Variants in HIVEP3 observed in about 807,000 individuals in gnomAD.
HIVEP3 encodes transcription factor HIVEP3.
Under a neutral mutation model 152.8 loss-of-function variants are expected in HIVEP3, and 49 were observed. The ratio of observed to expected loss-of-function variants is 0.32; its 90% CI spans 0.26 to 0.41. The LOEUF (loss-of-function observed/expected upper bound fraction) is 0.41, where lower values mean the gene tolerates loss of function less well. Ranked by LOEUF, HIVEP3 falls within the 10% of genes least tolerant of loss-of-function variation. The pLI, the probability that HIVEP3 is intolerant of heterozygous loss-of-function variation, is 1.00. For synonymous variants in HIVEP3, 1,269 were observed against 1,289.0 expected, an observed-to-expected ratio of 0.98 and a Z score of 0.33; for missense variants, 2,790 against 3,103.3, an observed-to-expected ratio of 0.90 and a Z score of 2.40.
chr1:41,850,323 C>A (rs541797743), intron 1 of HIVEP3, among the ~76,000 whole-genome samples: 3 of 147,902 alleles, frequency 2.0e-5, no homozygotes, highest in South Asian at 4.2e-4. Flanking sequence ...GAAAAGGCCA[C>A]CACACACACA....
intron 2 of HIVEP3, among the ~76,000 whole-genome samples, chr1:41,688,262 C>A (rs1181540213): frequency 6.6e-6 from 1 of 152,246 alleles, no homozygotes; most frequent in East Asian, 1.9e-4. Flanking sequence ...CTCTGGGTGA[C>A]TATCGTCCTA....
intron 1 of HIVEP3, among the ~76,000 whole-genome samples, chr1:41,804,854 C>G (rs1650507679): frequency 6.6e-6 from 1 of 152,168 alleles, no homozygotes; most frequent in Non-Finnish European, 1.5e-5. Context: ...CACTCCCTCA[C>G]CCACTGTGTA....
intron 5 of HIVEP3, among the ~76,000 whole-genome samples, chr1:41,534,875 C>T (rs780249989): frequency 1.2e-4 from 18 of 152,314 alleles, no homozygotes; most frequent in Middle Eastern, 3.4e-3. Context: ...TGACTCTGCT[C>T]AGAGCGGGAG....
intron 1 of HIVEP3, among the ~76,000 whole-genome samples, chr1:41,889,359 T>C (rs1644410705): frequency 6.6e-6 from 1 of 151,970 alleles, no homozygotes; most frequent in African/African-American, 2.4e-5. Context: ...AAGGCAGGAG[T>C]TGTGGAGTCA....
intron 1 of HIVEP3, among the ~76,000 whole-genome samples, chr1:41,714,312 G>T (rs532628734): frequency 6.6e-6 from 1 of 152,150 alleles, no homozygotes; most frequent in African/African-American, 2.4e-5. Flanking sequence ...AGAAGTGGAG[G>T]ACGGGAAGAA....
intron 3 of HIVEP3, among the ~76,000 whole-genome samples, chr1:41,621,438 G>T (rs1208427435): frequency 6.6e-6 from 1 of 152,204 alleles, no homozygotes; most frequent in East Asian, 1.9e-4. Context: ...CCCAAGGGAG[G>T]GCCTGCAGCC....
In HIVEP3 at chr1:41,603,098, G is replaced by A. The variant is rs188434246; in HGVS notation, c.-521-17780C>T. Among the ~76,000 whole-genome samples the A allele has an allele frequency of 3.0e-3, 458 of 151,238 alleles. 2 individuals are homozygous for A. Among genetic ancestry groups the A allele is most frequent in the Non-Finnish European group, 4.9e-3 (335 of 67,870 alleles). ...TTTTTATTTTTTGAGACTGAGTCTC[G>A]CCCTGTCACCCAGGCTGCAGTGTAG... On this transcript the variant is annotated intron_variant, in intron 3 of 8. Transcript: ENST00000372583.
At chr1:41,521,554 C>A (rs1256750572) in intron 6 of HIVEP3, among the ~76,000 whole-genome samples, 4 of 152,172 alleles carry the variant, frequency 2.6e-5, no homozygotes, top group Non-Finnish European at 5.9e-5. Flanking sequence ...GAAGGTGGGG[C>A]ACACGGCTGC....
intron 1 of HIVEP3, among the ~76,000 whole-genome samples, chr1:42,011,004 A>G (rs1244966539): frequency 1.3e-5 from 2 of 152,166 alleles, no homozygotes; most frequent in Non-Finnish European, 2.9e-5. Context: ...GTTCTAGGAC[A>G]CGGTTTCCCA....
chr1:41,764,495 G>C (rs1647889850), intron 1 of HIVEP3, among the ~76,000 whole-genome samples: 1 of 152,242 alleles, frequency 6.6e-6, no homozygotes. Context: ...GACAGCTGCA[G>C]AGGGAAACCT....
At chr1:41,571,936 G>A (rs1644256656) in intron 5 of HIVEP3, among the ~76,000 whole-genome samples, 1 of 152,166 alleles carries the variant, frequency 6.6e-6, no homozygotes, top group South Asian at 2.1e-4. Flanking sequence ...GAGATAGGGT[G>A]GCCAGAGCAG....
At chr1:41,929,823 C>T (rs1249748637) in intron 1 of HIVEP3, among the ~76,000 whole-genome samples, 8 of 147,736 alleles carry the variant, frequency 5.4e-5, no homozygotes, top group African/African-American at 2.0e-4. Flanking sequence ...CATCATTCTG[C>T]TTTGCTTATT....
In HIVEP3 at chr1:41,524,779, C is replaced by T. The variant is rs766117790; in HGVS notation, c.5339G>A (p.Arg1780Gln). ...KKHIRTHTDV[R>Q]PYVCKHCHFA... Reference sequence around the variant, plus strand: ...GTGACAGTGCTTGCACACATAGGGCCGGACGTCAGTGTGGGTGCGGATGTG... The same window carrying T: ...GTGACAGTGCTTGCACACATAGGGCTGGACGTCAGTGTGGGTGCGGATGTG... The change falls in exon 6 of 9, where the codon CGG (arginine) becomes CAG (glutamine). Residue 1780 changes from arginine to glutamine, a missense_variant. By Grantham distance (43) the Arg-to-Gln change is conservative. Coordinates refer to ENST00000372583, the MANE Select transcript of HIVEP3 (RefSeq NM_024503.5). 4.3e-6 allele frequency: 7 copies of T among 1,613,998 alleles called. No homozygotes were observed. The highest frequency in any genetic ancestry group is 3.4e-6 in the Non-Finnish European group (4 of 1,180,020).
Position 41,851,747 on chromosome 1 carries a change from A to G in HIVEP3, c.-801+66666T>C, listed in dbSNP as rs185498253. Among the ~76,000 whole-genome samples the G allele has an allele frequency of 2.4e-3, 364 of 152,352 alleles. 1 individual carries two copies. The highest frequency in any genetic ancestry group is 8.5e-3 in the African/African-American group (352 of 41,576). Reference sequence around the variant, plus strand: ...ACGTGCCCTTAGGCTGGTGTTCTCAATGACAGGACAGAGAAGAGGAAGTTG... The same window carrying G: ...ACGTGCCCTTAGGCTGGTGTTCTCAGTGACAGGACAGAGAAGAGGAAGTTG... On this transcript the variant is annotated intron_variant, in intron 1 of 8. Transcript: ENST00000372583.
At chr1:41,563,588 C>T (rs1344932650) in intron 5 of HIVEP3, among the ~76,000 whole-genome samples, 6 of 152,088 alleles carry the variant, frequency 3.9e-5, no homozygotes, top group Admixed American at 2.6e-4. Context: ...CCCCGGCAGT[C>T]AGCTATGGGG....
At chr1:41,956,113 A>G (rs1435183049) in intron 1 of HIVEP3, among the ~76,000 whole-genome samples, 4 of 152,172 alleles carry the variant, frequency 2.6e-5, no homozygotes, top group African/African-American at 4.8e-5. Flanking sequence ...AATGTCAACT[A>G]CTTCTTGGTT....
chr1:41,536,333 G>A (rs1643399795), intron 5 of HIVEP3, among the ~76,000 whole-genome samples: 1 of 152,140 alleles, frequency 6.6e-6, no homozygotes, highest in Non-Finnish European at 1.5e-5. Context: ...TACGTGCTCA[G>A]GACACGTCCA....
intron 1 of HIVEP3, among the ~76,000 whole-genome samples, chr1:41,838,683 C>T (rs181392925): frequency 3.9e-5 from 6 of 152,238 alleles, no homozygotes; most frequent in East Asian, 3.9e-4. Context: ...TCTACCTCTC[C>T]GAGCCTCAGT....
intron 2 of HIVEP3, among the ~76,000 whole-genome samples, chr1:41,693,862 G>A (rs572350172): frequency 2.0e-5 from 3 of 152,244 alleles, no homozygotes; most frequent in South Asian, 4.1e-4. Flanking sequence ...CAAATAGCTC[G>A]TTGGTTGTCT....
Sources: gnomAD v4.1 joint callset for allele counts (sites outside exome capture counted in the v4.1 genomes callset) on GRCh38, gnomAD v4.1.1 for gene constraint, MANE v1.5 for transcripts, NCBI Gene and HGNC (gene_info 2026-07-23, HGNC 2026-07-21) for gene names.